The following CFAP54 variants were observed in gnomAD, a reference collection of about 807,000 sequenced individuals.
CFAP54 encodes cilia and flagella associated protein 54.
CFAP54 carries 290 observed loss-of-function variants against 370.4 expected under a neutral mutation model. The observed-to-expected ratio is 0.78, with a 90% confidence interval of 0.71 to 0.86. The LOEUF is 0.86. CFAP54 is among the 40% of genes least tolerant of loss of function. The pLI is 0.00. For missense variants in CFAP54, 3,399 were observed against 3,528.7 expected, an observed-to-expected ratio of 0.96 and a Z score of 0.93; for synonymous variants, 1,206 against 1,236.5, an observed-to-expected ratio of 0.98 and a Z score of 0.52.
At chr12:96,773,322 T>C (rs1958482153) in intron 60 of CFAP54, among the ~76,000 whole-genome samples, 1 of 152,184 alleles carries the variant, frequency 6.6e-6, no homozygotes, top group Non-Finnish European at 1.5e-5. Flanking sequence ...ACACTTCTTC[T>C]GCCAGAATCA....
At chr12:96,506,586 TTTC>T (rs1370443169) in intron 3 of CFAP54, among the ~76,000 whole-genome samples, 1 of 123,350 alleles carries the variant, frequency 8.1e-6, no homozygotes, top group Non-Finnish European at 1.8e-5. Context: ...TTTCTTTTCT[TTTC>T]TTTTTTTTTT....
At chr12:96,650,117 A>C in intron 35 of CFAP54, 45 bp downstream of exon 35, 1 of 1,499,884 alleles carries the variant, frequency 6.7e-7, no homozygotes, top group Non-Finnish European at 9.0e-7. Flanking sequence ...CATAAATTTC[A>C]GCCCACCAAC....
At chr12:96,816,950 C>A (rs776138107) in intron 64 of CFAP54, among the ~76,000 whole-genome samples, 3 of 152,218 alleles carry the variant, frequency 2.0e-5, no homozygotes, top group Non-Finnish European at 4.4e-5. Flanking sequence ...TGATTCTTCT[C>A]CCTACCTCCC....
chr12:96,525,757 C>T (rs1955373135), intron 8 of CFAP54, among the ~76,000 whole-genome samples: 1 of 152,208 alleles, frequency 6.6e-6, no homozygotes, highest in South Asian at 2.1e-4. Context: ...ATGGCATGAT[C>T]TTGGCTCACT....
chr12:96,499,875 G>A (rs144629032), intron 1 of CFAP54, among the ~76,000 whole-genome samples: 1,526 of 152,248 alleles, frequency 0.01, 14 homozygotes, highest in Middle Eastern at 0.024. Context: ...GAACCCCAGA[G>A]GTGGAGGTTG....
chr12:96,854,862 T>C (rs941885676), intron 66 of CFAP54, among the ~76,000 whole-genome samples: 3 of 152,212 alleles, frequency 2.0e-5, no homozygotes, highest in Non-Finnish European at 4.4e-5. Flanking sequence ...GGTAAACTCA[T>C]GTCTTGGGGC....
chr12:96,664,777 CTA>C (rs1255477327), intron 39 of CFAP54, among the ~76,000 whole-genome samples: 16 of 14,980 alleles, frequency 1.1e-3, no homozygotes, highest in Non-Finnish European at 1.7e-3. Context: ...ATATCTATAT[CTA>C]TATATATATA....
In CFAP54 at chr12:96,510,877, C is replaced by T. The variant is rs184532848; in HGVS notation, c.740-2109C>T. ...ACTTGAGAGCCTGAGGCACGGGAAT[C>T]ACTTGAACCCGGGAGGTGGAGGTCA... On this transcript the variant is annotated intron_variant, in intron 4 of 67. Transcript: ENST00000524981. Among the ~76,000 whole-genome samples the T allele has an allele frequency of 4.6e-5, 7 of 150,766 alleles. No homozygotes were observed. In the East Asian group the frequency reaches 1.4e-3, roughly 29 times the overall value.
rs566811912 is a variant in CFAP54, at chr12:96,648,106, A to C, written c.4690+89A>C. The C allele has an allele frequency of 1.5e-3, 1,413 of 935,780 alleles. 40 individuals carry two copies. In the South Asian group the frequency reaches 0.04, roughly 26 times the overall value. 58.0% of individuals were successfully genotyped at this position (935,780 alleles called of 1,614,324 possible). A position where few individuals can be genotyped will look rare whatever the true frequency, so the allele number is the denominator to read the frequency against. ...GCACACATACACATTGTGGACACAC[A>C]AATGTATACACCCAGTTTTCCAAAG... is the stretch of plus-strand genomic sequence containing the variant. On this transcript the variant is annotated intron_variant, in intron 34 of 67. Transcript: ENST00000524981.
chr12:96,732,616 A>G (rs1957934009), intron 50 of CFAP54, among the ~76,000 whole-genome samples: 1 of 152,216 alleles, frequency 6.6e-6, no homozygotes, highest in Non-Finnish European at 1.5e-5. Context: ...TTTTTAGCTG[A>G]ATTTCTAATG....
At chr12:96,640,868 G>A (rs1956718921) in intron 32 of CFAP54, among the ~76,000 whole-genome samples, 1 of 152,078 alleles carries the variant, frequency 6.6e-6, no homozygotes, top group Non-Finnish European at 1.5e-5. Flanking sequence ...AAACTGGCTA[G>A]CCATATGTAG....
At chr12:96,724,481 G>A (rs1423846214) in intron 50 of CFAP54, among the ~76,000 whole-genome samples, 14 of 152,192 alleles carry the variant, frequency 9.2e-5, no homozygotes, top group Admixed American at 9.2e-4. Flanking sequence ...CTTCTTTTGA[G>A]AAGTGTCTGT....
chr12:96,647,859 T>A lies in CFAP54; in HGVS notation c.4548-16T>A. The stretch of plus-strand genomic sequence containing the variant: ...TGCTTATATTGTTTTTTAATATGAT[T>A]TTTCCCCCCTTGCAGTTTCCGATCA... On this transcript the variant is annotated splice_polypyrimidine_tract_variant and intron_variant, in intron 33 of 67. Coordinates refer to ENST00000524981, the MANE Select transcript of CFAP54 (RefSeq NM_001306084.2). 1 of 1,487,178 alleles carries A rather than the reference T, an allele frequency of 6.7e-7. No homozygotes were observed. Among genetic ancestry groups the A allele is most frequent in the Non-Finnish European group, 8.9e-7 (1 of 1,129,148 alleles). The allele number at this position is 1,487,178 out of a possible 1,614,324, so 92.1% of individuals were successfully genotyped here. A position where few individuals can be genotyped will look rare whatever the true frequency, so the allele number is the denominator to read the frequency against.
At chr12:96,605,181 A>T (rs1956287797) in intron 26 of CFAP54, among the ~76,000 whole-genome samples, 1 of 152,132 alleles carries the variant, frequency 6.6e-6, no homozygotes, top group South Asian at 2.1e-4. Context: ...AAACCCTAAA[A>T]CATTAATTAT....
chr12:96,495,159 G>A (rs1027305060), intron 1 of CFAP54, among the ~76,000 whole-genome samples: 8 of 152,020 alleles, frequency 5.3e-5, no homozygotes, highest in Admixed American at 3.9e-4. Context: ...AGTATGATAC[G>A]TTTTTAAAAA....
chr12:96,622,613 G>A (rs1437112717), intron 27 of CFAP54, among the ~76,000 whole-genome samples: 2 of 152,150 alleles, frequency 1.3e-5, no homozygotes, highest in Non-Finnish European at 2.9e-5. Flanking sequence ...GCCTCCCAAA[G>A]TTCTGGGATT....
chr12:96,800,119 C>T (rs1958806121), intron 63 of CFAP54, among the ~76,000 whole-genome samples: 1 of 152,166 alleles, frequency 6.6e-6, no homozygotes, highest in South Asian at 2.1e-4. Context: ...GTTTATTTCA[C>T]AAGGTCACAG....
intron 50 of CFAP54, among the ~76,000 whole-genome samples, chr12:96,725,426 C>G (rs1488083276): frequency 2.0e-5 from 3 of 151,934 alleles, no homozygotes; most frequent in East Asian, 1.9e-4. Context: ...GTATTTTATT[C>G]TCTTTGAAGC....
Position 96,750,863 on chromosome 12 carries a change from C to T in CFAP54, c.7685-2880C>T, listed in dbSNP as rs377053873. On this transcript the variant is annotated intron_variant, in intron 55 of 67. Transcript: ENST00000524981. ...ACCCAAAGCAGCTTTTCTGTCAAAA[C>T]AACATCAGTTTTACAACGTCTTTTT... Among the ~76,000 whole-genome samples the T allele has an allele frequency of 3.9e-5, 6 of 152,294 alleles. No homozygotes were observed. In the South Asian group the frequency reaches 1.0e-3, roughly 26 times the overall value.
Sources: gnomAD v4.1 joint callset for allele counts (sites outside exome capture counted in the v4.1 genomes callset) on GRCh38, gnomAD v4.1.1 for gene constraint, MANE v1.5 for transcripts, NCBI Gene and HGNC (gene_info 2026-07-23, HGNC 2026-07-21) for gene names.